SCN11A: variants seen among roughly 807,000 people sequenced by gnomAD.
SCN11A encodes the protein sodium voltage-gated channel alpha subunit 11.
A neutral mutation model predicts 162.2 loss-of-function variants in SCN11A; 122 were observed. The ratio of observed to expected loss-of-function variants is 0.75; its 90% confidence interval spans 0.65 to 0.87. SCN11A has a LOEUF of 0.87. Among genes scored for constraint, SCN11A ranks in the 40% least tolerant of loss-of-function variants. SCN11A has a pLI of 0.00. For synonymous variants in SCN11A, 758 were observed against 751.5 expected, an observed-to-expected ratio of 1.01 and a Z score of -0.14; for missense variants, 2,015 against 2,181.6, an observed-to-expected ratio of 0.92 and a Z score of 1.52.
At chr3:39,015,022 A>G (rs1049668839) in intron 2 of SCN11A, among the ~76,000 whole-genome samples, 3 of 152,214 alleles carry the variant, frequency 2.0e-5, no homozygotes, top group African/African-American at 7.2e-5. Context: ...TTCTGATGTC[A>G]TGGCCACTGC....
In SCN11A at chr3:38,979,670, T is replaced by G. The variant is rs115077731; in HGVS notation, c.-279-19247A>C. Among the ~76,000 whole-genome samples the G allele has an allele frequency of 6.6e-3, 999 of 152,338 alleles. 14 individuals carry two copies. Among genetic ancestry groups the G allele is most frequent in the African/African-American group, 0.022 (900 of 41,568 alleles). On this transcript the variant is annotated intron_variant, in intron 2 of 29. Coordinates refer to ENST00000302328, the MANE Select transcript of SCN11A (RefSeq NM_001349253.2). ...TGATCATTTCTCTGCCAAGTCTGCA[T>G]AGTGTTTCTCCAAAGTCTCTCTATC...
At chr3:38,866,658 T>G (rs1028347005) in intron 27 of SCN11A, among the ~76,000 whole-genome samples, 1 of 152,244 alleles carries the variant, frequency 6.6e-6, no homozygotes, top group Non-Finnish European at 1.5e-5. Context: ...ATGGATTATA[T>G]CAAAATCATA....
chr3:39,022,444 G>A (rs2031476381), intron 2 of SCN11A, among the ~76,000 whole-genome samples: 1 of 152,098 alleles, frequency 6.6e-6, no homozygotes, highest in African/African-American at 2.4e-5. Context: ...CCCTTTATGA[G>A]ACATAAAGCT....
intron 21 of SCN11A, among the ~76,000 whole-genome samples, chr3:38,884,479 T>G (rs1251727396): frequency 1.3e-5 from 2 of 152,254 alleles, no homozygotes; most frequent in Non-Finnish European, 2.9e-5. Flanking sequence ...TTTTTTAGAT[T>G]CATTCATTAA....
chr3:38,871,051 G>T (rs1476936131), intron 25 of SCN11A, among the ~76,000 whole-genome samples: 1 of 152,198 alleles, frequency 6.6e-6, no homozygotes, highest in East Asian at 1.9e-4. Context: ...AAGAGTTAAA[G>T]GGTTCTTTTC....
chr3:38,987,647 C>T (rs1047013846), intron 2 of SCN11A, among the ~76,000 whole-genome samples: 11 of 152,316 alleles, frequency 7.2e-5, no homozygotes, highest in African/African-American at 2.4e-4. Flanking sequence ...ACCTCACACT[C>T]GTTCTGGACA....
intron 19 of SCN11A, among the ~76,000 whole-genome samples, chr3:38,893,257 C>A (rs2065530522): frequency 6.6e-6 from 1 of 151,914 alleles, no homozygotes; most frequent in Non-Finnish European, 1.5e-5. Context: ...AAAAAACTTA[C>A]TAGAGATAAA....
chr3:38,880,016 C>T lies in SCN11A; in HGVS notation c.3327G>A (p.Trp1109Ter), dbSNP rs1553634906. The T allele has an allele frequency of 1.9e-6, 3 of 1,612,110 alleles. No individual in the cohort carries two copies. Among genetic ancestry groups the T allele is most frequent in the Non-Finnish European group, 1.7e-6 (2 of 1,178,604 alleles). ...AATACTTTCCAAATCCGAAGGCTAC[C>T]CATTTTAGTACCATCTCCAGGATAA... Reference protein sequence around the residue: ...HIFILEMVLKWVAFGFGKYFT... With the variant: ...HIFILEMVLK The change falls in exon 23 of 30, where the codon TGG becomes TGA. Residue 1109 changes from tryptophan (W) to a stop codon, truncating the protein, a stop_gained. Coordinates refer to ENST00000302328, the MANE Select transcript of SCN11A (RefSeq NM_001349253.2). LOFTEE classifies it high-confidence loss of function.
intron 1 of SCN11A, among the ~76,000 whole-genome samples, chr3:39,037,947 A>G (rs190315537): frequency 1.1e-3 from 161 of 152,364 alleles, no homozygotes; most frequent in Middle Eastern, 3.4e-3. Flanking sequence ...CTTTTCATAA[A>G]GAAAATGCTA....
chr3:38,912,168 T>G (rs187698306), intron 11 of SCN11A, among the ~76,000 whole-genome samples: 144 of 152,310 alleles, frequency 9.5e-4, no homozygotes, highest in Admixed American at 3.9e-4. Context: ...AGGAGTCTGC[T>G]GAGGATGGAC....
At chr3:38,964,403 A>G (rs1358135678) in intron 2 of SCN11A, among the ~76,000 whole-genome samples, 2 of 152,198 alleles carry the variant, frequency 1.3e-5, no homozygotes, top group African/African-American at 2.4e-5. Context: ...TATCCTGAAA[A>G]CATTAAAACA....
chr3:38,965,253 T>C (rs2066774673), intron 2 of SCN11A, among the ~76,000 whole-genome samples: 1 of 152,176 alleles, frequency 6.6e-6, no homozygotes, highest in Non-Finnish European at 1.5e-5. Flanking sequence ...AATAGGTGCT[T>C]AATAATTGTT....
chr3:39,010,385 CT>C (rs1225121264), intron 2 of SCN11A, among the ~76,000 whole-genome samples: 99 of 79,874 alleles, frequency 1.2e-3, no homozygotes, highest in Non-Finnish European at 1.1e-3. Context: ...TTTCTTTTTT[CT>C]TTTTTTTTTT....
At chr3:38,993,444 C>T (rs2030516875) in intron 2 of SCN11A, among the ~76,000 whole-genome samples, 1 of 152,174 alleles carries the variant, frequency 6.6e-6, no homozygotes, top group Non-Finnish European at 1.5e-5. Flanking sequence ...GCCTTGGCTC[C>T]CTTCTCCTCC....
At chr3:38,940,585 T>G (rs1455056547) in intron 7 of SCN11A, among the ~76,000 whole-genome samples, 2 of 152,216 alleles carry the variant, frequency 1.3e-5, no homozygotes, top group African/African-American at 4.8e-5. Context: ...CAAATGGTGT[T>G]GGGACAAATG....
intron 14 of SCN11A, among the ~76,000 whole-genome samples, chr3:38,905,817 C>T (rs2065784033): frequency 6.6e-6 from 1 of 152,112 alleles, no homozygotes; most frequent in Non-Finnish European, 1.5e-5. Context: ...AAGAACAGTC[C>T]CACTAAATAT....
intron 1 of SCN11A, among the ~76,000 whole-genome samples, chr3:39,047,952 G>T (rs993270622): frequency 6.6e-6 from 1 of 152,134 alleles, no homozygotes; most frequent in Non-Finnish European, 1.5e-5. Context: ...AACCATTATG[G>T]AAAACAGTGT....
chr3:38,892,866 A>AAAC (rs1190732977), intron 19 of SCN11A, among the ~76,000 whole-genome samples: 1 of 152,166 alleles, frequency 6.6e-6, no homozygotes, highest in African/African-American at 2.4e-5. Flanking sequence ...ATAATTCAAA[A>AAAC]AGATTTTGAA....
chr3:38,930,288 G>A (rs2066221307), intron 7 of SCN11A, among the ~76,000 whole-genome samples: 1 of 152,196 alleles, frequency 6.6e-6, no homozygotes, highest in African/African-American at 2.4e-5. Flanking sequence ...GAGCAGAAAT[G>A]GTCATGAGGC....
Sources: allele counts gnomAD v4.1 joint callset (sites outside exome capture counted in the v4.1 genomes callset), GRCh38; gene constraint gnomAD v4.1.1; transcripts MANE v1.5; gene names NCBI Gene and HGNC (gene_info 2026-07-23, HGNC 2026-07-21).